The following ITGAV variants were observed in gnomAD, a reference collection of about 807,000 sequenced individuals.
The protein encoded by ITGAV is integrin alpha-V.
ITGAV carries 76 observed loss-of-function variants against 143.8 expected under a neutral mutation model. The observed-to-expected ratio is 0.53, with a 90% CI of 0.44 to 0.64. The LOEUF is 0.64. ITGAV is among the 30% of genes least tolerant of loss of function. The probability of loss-of-function intolerance (pLI) is 0.00; values close to 1 mark genes in which losing one functional copy is unlikely to be tolerated. For synonymous variants in ITGAV, 453 were observed against 446.7 expected, an observed-to-expected ratio of 1.01 and a Z score of -0.18; for missense variants, 1,193 against 1,274.7, an observed-to-expected ratio of 0.94 and a Z score of 0.98.
At chr2:186,663,679 T>C (rs1205335244) in intron 18 of ITGAV, 89 bp from the exon 19 acceptor site, 1 of 879,652 alleles carries the variant, frequency 1.1e-6, no homozygotes, top group African/African-American at 1.7e-5. Flanking sequence ...TGTGTACATA[T>C]AGGCTTAACC....
At chr2:186,638,354 T>A in intron 9 of ITGAV, 34 bp downstream of exon 9, 1 of 1,609,464 alleles carries the variant, frequency 6.2e-7, no homozygotes, top group Non-Finnish European at 8.5e-7. Flanking sequence ...TTAAAAAATC[T>A]CTAAGTTATC....
intron 12 of ITGAV, among the ~76,000 whole-genome samples, chr2:186,643,261 A>G (rs1024022184): frequency 6.6e-6 from 1 of 152,206 alleles, no homozygotes; most frequent in African/African-American, 2.4e-5. Context: ...TCAGTAGAAC[A>G]AATATAGACA....
intron 23 of ITGAV, 30 bp downstream of exon 23, chr2:186,667,260 A>G: frequency 4.1e-6 from 6 of 1,477,184 alleles, no homozygotes; most frequent in Non-Finnish European, 5.7e-6. Flanking sequence ...TGAGTATCTC[A>G]TTCTCATGAT....
rs554793668 is a variant in ITGAV, at chr2:186,666,720, G to A, written c.2183G>A (p.Arg728His). 1.3e-5 allele frequency: 21 copies of A among 1,575,904 alleles called. No individual in the cohort carries two copies. Among genetic ancestry groups the A allele is most frequent in the South Asian group, 6.0e-5 (5 of 82,922 alleles). ...CTCCTTTAGCTCTTAGCTGGTCTTC[G>A]TTTCAGTGTGCACCAGCAGTCAGAG... ...KAGTQLLAGL[R>H]FSVHQQSEMD... Residue 728 changes from arginine to histidine, a missense_variant, in exon 22 of 30, where the codon CGT (arginine) becomes CAT (histidine). Arg to His is a conservative substitution (Grantham distance 29). Transcript: ENST00000261023.
chr2:186,609,581 CA>C (rs1028672967), intron 2 of ITGAV, among the ~76,000 whole-genome samples: 10 of 151,826 alleles, frequency 6.6e-5, no homozygotes, highest in African/African-American at 2.4e-4. Flanking sequence ...AGATTCATAC[CA>C]AAATAAAGGA....
At chr2:186,669,847 C>T in intron 26 of ITGAV, 33 bp downstream of exon 26, 1 of 1,395,588 alleles carries the variant, frequency 7.2e-7, no homozygotes, top group Non-Finnish European at 1.0e-6. Flanking sequence ...GCACCATAGA[C>T]ATTTAAAAAT....
At position 186,656,694 on chromosome 2, in the gene ITGAV, A is replaced by G. The variant is rs543364745; in HGVS notation, c.1719+293A>G. 2.0e-5 allele frequency among the ~76,000 whole-genome samples: 3 copies of G among 152,280 alleles called. No individual in the cohort carries two copies. In the East Asian group the frequency reaches 5.8e-4, roughly 29 times the overall value. On this transcript the variant is annotated intron_variant, in intron 17 of 29. Coordinates refer to ENST00000261023, the MANE Select transcript of ITGAV (RefSeq NM_002210.5). ...GTAAAAGAAATCACCAGAGTCCAAAAAAAAAATGAGCAATCAACTAAAAAA... is the reference window on the plus strand; with the variant it reads ...GTAAAAGAAATCACCAGAGTCCAAAGAAAAAATGAGCAATCAACTAAAAAA...
chr2:186,632,472 T>C (rs1687838613), intron 5 of ITGAV, among the ~76,000 whole-genome samples: 1 of 152,130 alleles, frequency 6.6e-6, no homozygotes, highest in Non-Finnish European at 1.5e-5. Flanking sequence ...GGAAGGGCTA[T>C]ATGTACATTT....
At position 186,677,263 on chromosome 2, in the gene ITGAV, G is replaced by T; in HGVS notation, c.3118G>T (p.Glu1040Ter). Reference sequence around the variant, plus strand: ...AGAAAGGGAGCAGCTTCAACCTCATGAAAATGGTGAAGGAAACTCAGAAAC... The same window carrying T: ...AGAAAGGGAGCAGCTTCAACCTCATTAAAATGGTGAAGGAAACTCAGAAAC... ...EQEREQLQPH[E>*]NGEGNSET Residue 1040 changes from glutamate to a stop codon, truncating the protein, a stop_gained, in exon 30 of 30, where the codon GAA (glutamate) becomes TAA (stop). Transcript: ENST00000261023. LOFTEE classifies it high-confidence loss of function. 1 of 1,613,606 alleles carries T rather than the reference G, an allele frequency of 6.2e-7. No homozygotes were observed. The highest frequency in any genetic ancestry group is 8.5e-7 in the Non-Finnish European group (1 of 1,179,680).
chr2:186,617,345 C>A (rs1406563483), intron 2 of ITGAV, among the ~76,000 whole-genome samples: 1 of 152,086 alleles, frequency 6.6e-6, no homozygotes, highest in Non-Finnish European at 1.5e-5. Context: ...AGTTGAGTGC[C>A]AAATGTGTTG....
At chr2:186,644,306 T>TTTTG (rs1217766016) in intron 12 of ITGAV, among the ~76,000 whole-genome samples, 2 of 151,850 alleles carry the variant, frequency 1.3e-5, no homozygotes, top group African/African-American at 4.8e-5. Context: ...TCTTTGGTTT[T>TTTTG]TTTGTTTGTT....
At chr2:186,630,295 T>C (rs1472857295) in intron 4 of ITGAV, among the ~76,000 whole-genome samples, 1 of 151,860 alleles carries the variant, frequency 6.6e-6, no homozygotes, top group Non-Finnish European at 1.5e-5. Context: ...AATTTTTAAC[T>C]TGCAGATCAC....
chr2:186,601,474 T>C (rs531150933), intron 1 of ITGAV, among the ~76,000 whole-genome samples: 2 of 150,058 alleles, frequency 1.3e-5, no homozygotes, highest in South Asian at 2.1e-4. Flanking sequence ...AAAAAAAAAA[T>C]AGAATAAAAT....
intron 26 of ITGAV, among the ~76,000 whole-genome samples, chr2:186,674,749 C>T (rs1030830796): frequency 1.3e-4 from 19 of 151,954 alleles, no homozygotes; most frequent in African/African-American, 3.6e-4. Flanking sequence ...TGACCTCAAG[C>T]GATACGCCTG....
intron 2 of ITGAV, among the ~76,000 whole-genome samples, chr2:186,615,681 T>G (rs564857197): frequency 2.9e-4 from 42 of 145,854 alleles, no homozygotes; most frequent in Middle Eastern, 6.8e-3. Context: ...GAGTTTTTCG[T>G]TTTTTTTTTC....
At chr2:186,600,078 A>T (rs1686856619) in intron 1 of ITGAV, 1 of 454,274 alleles carries the variant, frequency 2.2e-6, no homozygotes, top group African/African-American at 2.0e-5. Flanking sequence ...GTGGCTTCAA[A>T]TGAACCTTGG....
chr2:186,595,630 A>T (rs768510207), intron 1 of ITGAV, among the ~76,000 whole-genome samples: 5 of 151,516 alleles, frequency 3.3e-5, no homozygotes, highest in Non-Finnish European at 7.4e-5. Context: ...CTTGGCATGG[A>T]TGTAAACCTT....
chr2:186,625,678 T>TGTGTGTGTGTGTGTGA lies in ITGAV; in HGVS notation c.523+92_523+93insTGTGTGTGTGTGTGAG, dbSNP rs5836988. The TGTGTGTGTGTGTGTGA allele has an allele frequency of 3.9e-3, 1,777 of 452,844 alleles. 7 individuals are homozygous for TGTGTGTGTGTGTGTGA. Among genetic ancestry groups the TGTGTGTGTGTGTGTGA allele is most frequent in the African/African-American group, 0.014 (681 of 48,952 alleles). 28.1% of individuals were successfully genotyped at this position (452,844 alleles called of 1,614,324 possible). On this transcript the variant is annotated intron_variant, in intron 4 of 29. Coordinates refer to ENST00000261023, the MANE Select transcript of ITGAV (RefSeq NM_002210.5). Reference sequence around the variant, plus strand: ...GTGTGTGTGGGTGTGTGTGTGTGTGTGAGAGAGAGAGATATTAAAAGATAT... The same window carrying TGTGTGTGTGTGTGTGA: ...GTGTGTGTGGGTGTGTGTGTGTGTGTGTGTGTGTGTGTGTGAGAGAGAGAGAGATATTAAAAGATAT...
intron 4 of ITGAV, among the ~76,000 whole-genome samples, chr2:186,628,494 C>T (rs779323343): frequency 2.0e-5 from 3 of 151,962 alleles, no homozygotes; most frequent in Non-Finnish European, 4.4e-5. Flanking sequence ...AGGAGAAGAG[C>T]ATAAAAAACA....
Sources: gnomAD v4.1 joint callset for allele counts (sites outside exome capture counted in the v4.1 genomes callset) on GRCh38, gnomAD v4.1.1 for gene constraint, MANE v1.5 for transcripts, NCBI Gene and HGNC (gene_info 2026-07-23, HGNC 2026-07-21) for gene names.